Variants in MYH11 observed in about 807,000 individuals in gnomAD.
MYH11 encodes the protein myosin heavy chain 11.
A neutral mutation model predicts 246.6 loss-of-function variants in MYH11; 80 were observed. The observed-to-expected ratio is 0.32, with a 90% CI of 0.27 to 0.39. The LOEUF (loss-of-function observed/expected upper bound fraction) is 0.39, where lower values mean the gene tolerates loss of function less well. MYH11 is among the 10% of genes least tolerant of loss of function. The pLI is 1.00. For synonymous variants in MYH11, 1,071 were observed against 1,015.5 expected, an observed-to-expected ratio of 1.05 and a Z score of -1.04; for missense variants, 2,158 against 2,546.8, an observed-to-expected ratio of 0.85 and a Z score of 3.29.
Position 15,750,315 on chromosome 16 carries a change from G to T in MYH11, c.1881C>A (p.Gly627=). The T allele has an allele frequency of 6.2e-7, 1 of 1,606,562 alleles. No individual in the cohort carries two copies. Residue 627 remains glycine (G), a synonymous_variant, in exon 16 of 41, where the codon GGC becomes GGA. Coordinates refer to ENST00000300036, the MANE Select transcript of MYH11 (RefSeq NM_002474.3). This position sits in a 1 kb window ranked among gnomAD's most constrained non-coding sequence, Gnocchi z 4.3. ...CCGTCATCTTGGCCATCTGGTCCAGGCCCACGATGCGGTCCACTATGGGGC... is the reference window on the plus strand; with the variant it reads ...CCGTCATCTTGGCCATCTGGTCCAGTCCCACGATGCGGTCCACTATGGGGC... ...DLWKDVDRIV[G]LDQMAKMTES... is the part of the protein sequence containing the mutation.
intron 40 of MYH11, among the ~76,000 whole-genome samples, chr16:15,709,029 A>G (rs374070509): frequency 3.3e-5 from 5 of 152,146 alleles, no homozygotes; most frequent in East Asian, 3.9e-4. Flanking sequence ...TGCAACCTCT[A>G]CGTCCTGGAT....
chr16:15,805,433 A>C (rs1274400400), intron 3 of MYH11, among the ~76,000 whole-genome samples: 5 of 152,334 alleles, frequency 3.3e-5, no homozygotes, highest in Admixed American at 3.3e-4. Flanking sequence ...TGGAATGATA[A>C]TAGGCCATCT....
At chr16:15,704,389 G>T (rs557079970) in intron 40 of MYH11, among the ~76,000 whole-genome samples, 50 of 152,016 alleles carry the variant, frequency 3.3e-4, no homozygotes, top group Admixed American at 1.3e-4. Context: ...AAAGCAAGAC[G>T]ATCTGCTTTT....
intron 1 of MYH11, among the ~76,000 whole-genome samples, chr16:15,841,416 G>C (rs1382833295): frequency 6.6e-6 from 1 of 152,212 alleles, no homozygotes; most frequent in African/African-American, 2.4e-5. Flanking sequence ...GGGATTACAG[G>C]CATGAGCCAC....
intron 32 of MYH11, 106 bp from the exon 33 acceptor site, chr16:15,721,157 C>T: frequency 7.8e-7 from 1 of 1,283,784 alleles, no homozygotes; most frequent in Non-Finnish European, 1.1e-6. Flanking sequence ...GTGGCTTTGG[C>T]CTCCCACAGG....
intron 4 of MYH11, among the ~76,000 whole-genome samples, chr16:15,798,324 T>G (rs1199358475): frequency 6.6e-6 from 1 of 152,196 alleles, no homozygotes; most frequent in Non-Finnish European, 1.5e-5. Flanking sequence ...GTTATGCAAT[T>G]AGATAAGATT....
rs886051741 is a variant in MYH11 at position 15,721,580 on chromosome 16, C to T, written c.4420G>A (p.Ala1474Thr). ...SSKYADERDR[A>T]EAEAREKETK... ...TCCTTCTCCCTGGCTTCTGCCTCAGCTCTGTCCCTCTCATCCGCGTATTTG... is the reference window on the plus strand; with the variant it reads ...TCCTTCTCCCTGGCTTCTGCCTCAGTTCTGTCCCTCTCATCCGCGTATTTG... Residue 1474 changes from alanine to threonine, a missense_variant, in exon 32 of 41, where the codon GCT (alanine) becomes ACT (threonine). Around this residue, in one of 11 missense-constraint regions of MYH11, gnomAD observed 1,013 missense variants for 993.5 expected, o/e 1.02. Coordinates refer to ENST00000300036, the MANE Select transcript of MYH11 (RefSeq NM_002474.3). The T allele has an allele frequency of 6.2e-7, 1 of 1,614,236 alleles. No homozygotes were observed. Among genetic ancestry groups the T allele is most frequent in the South Asian group, 1.1e-5 (1 of 91,086 alleles).
At chr16:15,773,282 C>A (rs1327960971) in intron 8 of MYH11, among the ~76,000 whole-genome samples, 1 of 138,340 alleles carries the variant, frequency 7.2e-6, no homozygotes, top group African/African-American at 2.8e-5. Context: ...CTTTCCTTTC[C>A]TCCAGCTATT....
chr16:15,726,905 C>T lies in MYH11; in HGVS notation c.3801G>A (p.Lys1267=). The T allele has an allele frequency of 6.2e-7, 1 of 1,612,806 alleles. No individual in the cohort carries two copies. Among genetic ancestry groups the T allele is most frequent in the East Asian group, 2.2e-5 (1 of 44,826 alleles). Residue 1267 remains lysine (K), a synonymous_variant, in exon 28 of 41, where the codon AAG becomes AAA. Coordinates refer to ENST00000300036, the MANE Select transcript of MYH11 (RefSeq NM_002474.3). ...LEAQVQELQS[K]CSDGERARAE... ...CCCGGGCCCGCTCCCCATCGCTGCA[C>T]TTGGACTGCAGCTCCTGCACCTGCG...
chr16:15,856,455 C>T (rs887639427), intron 1 of MYH11, among the ~76,000 whole-genome samples: 6 of 152,008 alleles, frequency 3.9e-5, no homozygotes, highest in African/African-American at 1.2e-4. Context: ...CTCACTTTGC[C>T]CTTCTGTGTG....
chr16:15,820,108 C>T (rs889507215), intron 3 of MYH11, among the ~76,000 whole-genome samples: 6 of 152,082 alleles, frequency 3.9e-5, no homozygotes, highest in Admixed American at 6.6e-5. Context: ...TTTGGGAGGC[C>T]GAGGTGGGAG....
intron 3 of MYH11, among the ~76,000 whole-genome samples, chr16:15,807,823 T>C (rs1424089204): frequency 6.6e-6 from 1 of 152,162 alleles, no homozygotes; most frequent in African/African-American, 2.4e-5. Flanking sequence ...CTTCAGCGGT[T>C]CCTCCCCCGC....
chr16:15,750,000 T>G, intron 16 of MYH11, 138 bp downstream of exon 16: 5 of 1,069,782 alleles, frequency 4.7e-6, no homozygotes, highest in Non-Finnish European at 6.9e-6. Context: ...GGAATGGGTC[T>G]GAGATTCAGA....
chr16:15,793,078 T>A (rs533840869), intron 4 of MYH11, among the ~76,000 whole-genome samples: 6 of 152,200 alleles, frequency 3.9e-5, no homozygotes, highest in African/African-American at 1.4e-4. Context: ...CCCCAGGGCC[T>A]GGAAGCACCC....
At chr16:15,752,968 G>A (rs374264558) in intron 15 of MYH11, among the ~76,000 whole-genome samples, 2 of 152,128 alleles carry the variant, frequency 1.3e-5, no homozygotes, top group South Asian at 4.1e-4. Flanking sequence ...AATACCTCTA[G>A]TAGAGACGGC....
At chr16:15,803,002 C>T (rs1367077911) in intron 3 of MYH11, among the ~76,000 whole-genome samples, 3 of 151,620 alleles carry the variant, frequency 2.0e-5, no homozygotes, top group East Asian at 2.0e-4. Flanking sequence ...CCAGGCATGG[C>T]GGCAGGCACC....
intron 3 of MYH11, among the ~76,000 whole-genome samples, chr16:15,800,425 T>C (rs2042854470): frequency 6.7e-6 from 1 of 149,590 alleles, no homozygotes; most frequent in Admixed American, 6.7e-5. Flanking sequence ...GATGGATAGA[T>C]AGGAAGAAAG....
chr16:15,838,907 C>T (rs1223894883), intron 1 of MYH11, among the ~76,000 whole-genome samples: 1 of 147,572 alleles, frequency 6.8e-6, no homozygotes, highest in East Asian at 2.0e-4. Context: ...TGTACACGTG[C>T]TAATATGGGA....
At chr16:15,721,985 G>A (rs1284330647) in intron 31 of MYH11, among the ~76,000 whole-genome samples, 1 of 152,094 alleles carries the variant, frequency 6.6e-6, no homozygotes, top group Non-Finnish European at 1.5e-5. Context: ...AGCCTCCAGA[G>A]TAGTTGGGAT....
Sources: allele counts gnomAD v4.1 joint callset (sites outside exome capture counted in the v4.1 genomes callset), GRCh38; gene constraint gnomAD v4.1.1; regional missense constraint gnomAD v4.1.1; non-coding constraint Gnocchi (gnomAD v3.1); transcripts MANE v1.5; gene names NCBI Gene and HGNC (gene_info 2026-07-23, HGNC 2026-07-21).